The following PKD2L1 variants were observed in gnomAD, a reference collection of about 807,000 sequenced individuals.
The protein encoded by PKD2L1 is polycystin-2-like protein 1.
Under a neutral mutation model 93.0 loss-of-function variants are expected in PKD2L1, and 77 were observed. That is an observed-to-expected ratio of 0.83 (90% CI 0.69 to 1.00). The LOEUF is 1.00. PKD2L1 is among the 50% of genes least tolerant of loss of function. The probability of loss-of-function intolerance (pLI) is 0.00; values close to 1 mark genes in which losing one functional copy is unlikely to be tolerated. For synonymous variants in PKD2L1, 390 were observed against 388.0 expected, an observed-to-expected ratio of 1.01 and a Z score of -0.06; for missense variants, 977 against 990.9, an observed-to-expected ratio of 0.99 and a Z score of 0.19.
At chr10:100,291,722 C>T (rs752309886) in intron 11 of PKD2L1, among the ~76,000 whole-genome samples, 13 of 152,134 alleles carry the variant, frequency 8.5e-5, no homozygotes, top group Non-Finnish European at 1.6e-4. Context: ...ACTCCCTACC[C>T]CTGAAATCCA....
At position 100,323,308 on chromosome 10, in the gene PKD2L1, G is replaced by A. The variant is rs147805607; in HGVS notation, c.349+5903C>T. 6.2e-3 allele frequency among the ~76,000 whole-genome samples: 938 copies of A among 152,126 alleles called. 8 individuals are homozygous for A. Among genetic ancestry groups the A allele is most frequent in the African/African-American group, 0.021 (857 of 41,474 alleles). ...TTTTGAGATGGAGTCTCGCTCTGTCGCCCAGGCTGGAGTACAGTGGCACGA... is the reference window on the plus strand; with the variant it reads ...TTTTGAGATGGAGTCTCGCTCTGTCACCCAGGCTGGAGTACAGTGGCACGA... On this transcript the variant is annotated intron_variant, in intron 2 of 15. Coordinates refer to ENST00000318222, the MANE Select transcript of PKD2L1 (RefSeq NM_016112.3).
At chr10:100,298,034 C>T (rs944027792) in intron 4 of PKD2L1, among the ~76,000 whole-genome samples, 1 of 152,126 alleles carries the variant, frequency 6.6e-6, no homozygotes, top group African/African-American at 2.4e-5. Flanking sequence ...AAAGATCCTC[C>T]AGCTCTGTGA....
chr10:100,330,195 G>T lies in PKD2L1; in HGVS notation c.-92C>A. 1 of 766,338 alleles carries T rather than the reference G, an allele frequency of 1.3e-6. No individual in the cohort carries two copies. Among genetic ancestry groups the T allele is most frequent in the South Asian group, 1.9e-5 (1 of 53,388 alleles). The allele number at this position is 766,338 out of a possible 1,614,324, so 47.5% of individuals were successfully genotyped here. A position where few individuals can be genotyped will look rare whatever the true frequency, so the allele number is the denominator to read the frequency against. ...GGCACAGCCCAGCCTAGCCAGCAGA[G>T]AGCAAATGGAAAGGCGTCTGAGAGC... On this transcript the variant is annotated 5_prime_UTR_variant, in exon 1 of 16. Transcript: ENST00000318222.
chr10:100,304,517 A>G (rs1848755064), intron 2 of PKD2L1, among the ~76,000 whole-genome samples: 1 of 152,036 alleles, frequency 6.6e-6, no homozygotes, highest in Admixed American at 6.6e-5. Flanking sequence ...TTTTTGAGAC[A>G]GGGTCTTGCT....
At chr10:100,329,454 G>T in intron 1 of PKD2L1, 130 bp from the exon 2 acceptor site, 1 of 1,261,414 alleles carries the variant, frequency 7.9e-7, no homozygotes, top group Non-Finnish European at 1.1e-6. Context: ...TTCATCCTTG[G>T]CTGAATCTGG....
chr10:100,294,520 CAGAG>C lies in PKD2L1; in HGVS notation c.1659+11_1659+14del. On this transcript the variant is annotated intron_variant, in intron 9 of 15. Coordinates refer to ENST00000318222, the MANE Select transcript of PKD2L1 (RefSeq NM_016112.3). ...GCAGGCTCTCTATGTCCCCACCCCT[CAGAG>C]AGACCCTCACCAGGAGCACGAAGAA... is the stretch of plus-strand genomic sequence containing the variant. The C allele has an allele frequency of 6.2e-7, 1 of 1,614,018 alleles. No homozygotes were observed. The highest frequency in any genetic ancestry group is 8.5e-7 in the Non-Finnish European group (1 of 1,179,950).
rs772228652 is a variant in PKD2L1, at chr10:100,290,006, G to A, written c.2250+9C>T. 40 of 1,614,022 alleles carry A rather than the reference G, an allele frequency of 2.5e-5. No individual in the cohort carries two copies. The African/African-American group carries it at 4.0e-4, about 16-fold the overall frequency. Reference sequence around the variant, plus strand: ...AGGAACTAGGAGGACCAGGTGAAGGGCCACTCACCACGCCTGGGGAGGGAG... The same window carrying A: ...AGGAACTAGGAGGACCAGGTGAAGGACCACTCACCACGCCTGGGGAGGGAG... On this transcript the variant is annotated intron_variant, in intron 14 of 15. Transcript: ENST00000318222.
At chr10:100,310,227 G>C (rs573900391) in intron 2 of PKD2L1, among the ~76,000 whole-genome samples, 1 of 152,036 alleles carries the variant, frequency 6.6e-6, no homozygotes. Flanking sequence ...CCAGCTACTC[G>C]GGGAGGCTGA....
chr10:100,324,270 C>T (rs1369609328), intron 2 of PKD2L1, among the ~76,000 whole-genome samples: 1 of 152,232 alleles, frequency 6.6e-6, no homozygotes, highest in Non-Finnish European at 1.5e-5. Context: ...CTTTGTTATA[C>T]AATGGACCTA....
intron 14 of PKD2L1, 129 bp downstream of exon 14, chr10:100,289,886 A>G: frequency 9.1e-7 from 1 of 1,099,212 alleles, no homozygotes; most frequent in Non-Finnish European, 1.3e-6. Context: ...ACTAACCGCT[A>G]TGAACATGTT....
chr10:100,302,372 G>A (rs1848702357), intron 2 of PKD2L1, among the ~76,000 whole-genome samples: 1 of 151,584 alleles, frequency 6.6e-6, no homozygotes, highest in Admixed American at 6.6e-5. Context: ...TTTTTGGCCA[G>A]GAAATAAAAG....
rs1397219889 is a variant in PKD2L1, at chr10:100,294,455, A to G, written c.1659+80T>C. 4.1e-6 allele frequency: 6 copies of G among 1,478,082 alleles called. No individual in the cohort carries two copies. In the Admixed American group the frequency reaches 1.0e-4, roughly 25 times the overall value. The allele number at this position is 1,478,082 out of a possible 1,614,324, so 91.6% of individuals were successfully genotyped here. A position where few individuals can be genotyped will look rare whatever the true frequency, so the allele number is the denominator to read the frequency against. On this transcript the variant is annotated intron_variant, in intron 9 of 15. Transcript: ENST00000318222. ...CATCCTTGATTTGAGAAACTTATCA[A>G]TCCTGAGTGAGGGACATACTAGGAC...
At chr10:100,300,799 C>T (rs1207735419) in intron 2 of PKD2L1, among the ~76,000 whole-genome samples, 1 of 152,100 alleles carries the variant, frequency 6.6e-6, no homozygotes, top group Non-Finnish European at 1.5e-5. Context: ...TGTGGGGAGA[C>T]CCCTTTCAAA....
chr10:100,289,205 T>C, intron 14 of PKD2L1, 149 bp from the exon 15 acceptor site: 1 of 589,838 alleles, frequency 1.7e-6, no homozygotes, highest in African/African-American at 1.9e-5. Context: ...ACCCCCAATG[T>C]GATAGTATTA....
Position 100,294,575 on chromosome 10 carries a change from T to C in PKD2L1, c.1619A>G (p.Tyr540Cys). Residue 540 changes from tyrosine to cysteine, a missense_variant, in exon 9 of 16, where the codon TAC becomes TGC. Coordinates refer to ENST00000318222, the MANE Select transcript of PKD2L1 (RefSeq NM_016112.3). ...DNANRILGPA[Y>C]FVTYVFFVFF... is the part of the protein sequence containing the mutation. Reference sequence around the variant, plus strand: ...GACGAAGAAGACATAGGTGACAAAGTAGGCAGGGCCCAGGATGCGGTTGGC... The same window carrying C: ...GACGAAGAAGACATAGGTGACAAAGCAGGCAGGGCCCAGGATGCGGTTGGC... 6.2e-7 allele frequency: 1 copy of C among 1,613,870 alleles called. No individual in the cohort carries two copies. The highest frequency in any genetic ancestry group is 8.5e-7 in the Non-Finnish European group (1 of 1,179,950).
chr10:100,325,838 A>G (rs1408854331), intron 2 of PKD2L1, among the ~76,000 whole-genome samples: 1 of 152,182 alleles, frequency 6.6e-6, no homozygotes, highest in Non-Finnish European at 1.5e-5. Context: ...CATATTAGTG[A>G]GCTATTTTAT....
intron 2 of PKD2L1, among the ~76,000 whole-genome samples, chr10:100,314,294 C>G (rs1318483246): frequency 6.6e-6 from 1 of 152,110 alleles, no homozygotes; most frequent in African/African-American, 2.4e-5. Context: ...AAGCCATAGG[C>G]TTGTACCCAG....
chr10:100,291,357 G>A lies in PKD2L1; in HGVS notation c.1951C>T (p.Arg651Cys), dbSNP rs115252223. Residue 651 changes from arginine to cysteine, a missense_variant, in exon 12 of 16, where the codon CGT becomes TGT. Coordinates refer to ENST00000318222, the MANE Select transcript of PKD2L1 (RefSeq NM_016112.3). Reference sequence around the variant, plus strand: ...TCCTGTTCCTTCTCATCCAGAATACGATTCCCATCTCTGTCAAACTTGGTG... The same window carrying A: ...TCCTGTTCCTTCTCATCCAGAATACAATTCCCATCTCTGTCAAACTTGGTG... ...TFTKFDRDGN[R>C]ILDEKEQEKM... 5.2e-4 allele frequency: 841 copies of A among 1,613,910 alleles called. 3 individuals are homozygous for A. The African/African-American group carries it at 9.3e-3, about 18-fold the overall frequency.
Position 100,290,517 on chromosome 10 carries a change from C to T in PKD2L1, c.2010G>A (p.Val670=), listed in dbSNP as rs779515747. 6.2e-7 allele frequency: 1 copy of T among 1,606,704 alleles called. No individual in the cohort carries two copies. The highest frequency in any genetic ancestry group is 8.5e-7 in the Non-Finnish European group (1 of 1,174,634). Residue 670 remains valine, a splice_region_variant and synonymous_variant, in exon 13 of 16, where the codon GTG becomes GTA. Transcript: ENST00000318222. ...GTTTCTCAATCTCAGTGTTGAGGGC[C>T]ACCTGCTCAGGAAGTCAGAGGTTAG... is the stretch of plus-strand genomic sequence containing the variant. ...KMRQDLEEER[V]ALNTEIEKLG...
Sources: allele counts gnomAD v4.1 joint callset (sites outside exome capture counted in the v4.1 genomes callset), GRCh38; gene constraint gnomAD v4.1.1; transcripts MANE v1.5; gene names NCBI Gene and HGNC (gene_info 2026-07-23, HGNC 2026-07-21).